Variants in MTF2 observed in about 807,000 individuals in gnomAD.
MTF2 encodes metal-response element-binding transcription factor 2.
Under a neutral mutation model 79.5 loss-of-function variants are expected in MTF2, and 11 were observed. The observed-to-expected ratio is 0.14, with a 90% CI of 0.09 to 0.23. MTF2 has a LOEUF of 0.23. Ranked by LOEUF, MTF2 falls within the 10% of genes least tolerant of loss-of-function variation. The pLI is 1.00. For missense variants in MTF2, 486 were observed against 711.2 expected (o/e 0.68, Z 3.60); for synonymous variants, 208 against 232.8 (o/e 0.89, Z 0.97).
At chr1:93,097,882 G>T (rs1439241365) in intron 1 of MTF2, among the ~76,000 whole-genome samples, 1 of 152,312 alleles carries the variant, frequency 6.6e-6, no homozygotes, top group Non-Finnish European at 1.5e-5. Context: ...ACAGGCATGA[G>T]CCACCATGCC....
chr1:93,128,121 TCA>T (rs1656773999), intron 10 of MTF2, among the ~76,000 whole-genome samples: 1 of 152,112 alleles, frequency 6.6e-6, no homozygotes, highest in African/African-American at 2.4e-5. Flanking sequence ...TGTAAAAAAG[TCA>T]TAAGGTACCT....
chr1:93,089,579 C>G (rs957133310), intron 1 of MTF2, among the ~76,000 whole-genome samples: 6 of 152,176 alleles, frequency 3.9e-5, no homozygotes, highest in African/African-American at 1.4e-4. Context: ...GATGGAGCCT[C>G]TCAAGAGTGC....
chr1:93,113,010 A>C (rs1656092347), intron 3 of MTF2, among the ~76,000 whole-genome samples: 1 of 152,144 alleles, frequency 6.6e-6, no homozygotes, highest in Non-Finnish European at 1.5e-5. Context: ...GAGAGTTCCC[A>C]GGCTTAATCT....
At chr1:93,080,779 T>G (rs1274454276) in intron 1 of MTF2, among the ~76,000 whole-genome samples, 3 of 151,910 alleles carry the variant, frequency 2.0e-5, no homozygotes, top group Non-Finnish European at 4.4e-5. Flanking sequence ...TTTTTTTTTT[T>G]TGTCAGTAAA....
At chr1:93,105,723 TGGA>T in intron 1 of MTF2, among the ~76,000 whole-genome samples, 1 of 152,168 alleles carries the variant, frequency 6.6e-6, no homozygotes, top group African/African-American at 2.4e-5. Context: ...TCACCCAGGC[TGGA>T]GTGCAATGCT....
intron 14 of MTF2, among the ~76,000 whole-genome samples, chr1:93,136,175 G>C (rs553200534): frequency 6.6e-6 from 1 of 152,274 alleles, no homozygotes; most frequent in South Asian, 2.1e-4. Context: ...CTGCTAGTTT[G>C]TGCTTATTCT....
chr1:93,105,130 C>T (rs908525571), intron 1 of MTF2, among the ~76,000 whole-genome samples: 26 of 106,426 alleles, frequency 2.4e-4, no homozygotes, highest in Admixed American at 2.1e-3. Context: ...GGTGACAGAG[C>T]GAGACTCCGT....
chr1:93,134,307 T>C, intron 14 of MTF2, 112 bp downstream of exon 14: 1 of 755,962 alleles, frequency 1.3e-6, no homozygotes, highest in East Asian at 2.7e-5. Context: ...AAGTTGTGTC[T>C]ATCAGCTTTT....
chr1:93,120,980 A>G (rs952765380), intron 9 of MTF2: 25 of 1,069,712 alleles, frequency 2.3e-5, no homozygotes, highest in Admixed American at 5.8e-5. Context: ...AGTATTGGGT[A>G]TCTTACTTGT....
Position 93,129,414 on chromosome 1 carries a change from G to T in MTF2, c.1126G>T (p.Gly376Cys). The change falls in exon 11 of 15, where the codon GGC becomes TGC. Residue 376 changes from glycine to cysteine, a missense_variant. Transcript: ENST00000370298. ...AACATCTCATGAATTTAAAATTAAA[G>T]GCAGAAAGGCATCCAAACCTATATC... ...EGTSHEFKIKGRKASKPISDS... is the reference protein window; with the variant it reads ...EGTSHEFKIKCRKASKPISDS... 6.4e-7 allele frequency: 1 copy of T among 1,566,352 alleles called. No individual in the cohort carries two copies. Among genetic ancestry groups the T allele is most frequent in the Non-Finnish European group, 8.7e-7 (1 of 1,148,928 alleles).
chr1:93,115,355 T>A, intron 5 of MTF2, 115 bp from the exon 6 acceptor site: 1 of 860,840 alleles, frequency 1.2e-6, no homozygotes, highest in Admixed American at 3.5e-5. Context: ...GTTTGTGATA[T>A]GGTAAAAGTT....
Position 93,121,505 on chromosome 1 carries a change from T to C in MTF2, c.921+833T>C, listed in dbSNP as rs140048554. 1,792 of 984,846 alleles carry C rather than the reference T, an allele frequency of 1.8e-3. 30 individuals are homozygous for C. The African/African-American group carries it at 0.029, about 16-fold the overall frequency. The allele number at this position is 984,846 out of a possible 1,614,324, so 61.0% of individuals were successfully genotyped here. A position where few individuals can be genotyped will look rare whatever the true frequency, so the allele number is the denominator to read the frequency against. ...ACTGATTTGAAGTTTAGGAAGAATT[T>C]CTTGATTTGTAGCTTTGAGACACGA... On this transcript the variant is annotated intron_variant, in intron 9 of 14. Coordinates refer to ENST00000370298, the MANE Select transcript of MTF2 (RefSeq NM_007358.4).
chr1:93,136,810 A>G lies in MTF2; in HGVS notation c.1565A>G (p.Lys522Arg), dbSNP rs1331996088. Residue 522 changes from lysine (K) to arginine (R), a missense_variant, in exon 15 of 15, where the codon AAA becomes AGA. By Grantham distance (26) the Lys-to-Arg change is conservative (BLOSUM62 2). Coordinates refer to ENST00000370298, the MANE Select transcript of MTF2 (RefSeq NM_007358.4). ...NSEIVKDDEG[K>R]EDYQFDELNT... ...GAAATTGTAAAAGATGATGAAGGCA[A>G]AGAAGATTATCAGTTTGATGAACTC... 6.2e-7 allele frequency: 1 copy of G among 1,614,108 alleles called. No individual in the cohort carries two copies. Among genetic ancestry groups the G allele is most frequent in the Non-Finnish European group, 8.5e-7 (1 of 1,180,040 alleles).
rs1156263487 is a variant in MTF2, at chr1:93,079,549, G to C, written c.5+18G>C. ...CGAATGAGGTGAGAGACCTTGGCCT[G>C]GGAACCGACTCTTCCGGAGGAGATG... is the stretch of plus-strand genomic sequence containing the variant. On this transcript the variant is annotated intron_variant, in intron 1 of 14. Coordinates refer to ENST00000370298, the MANE Select transcript of MTF2 (RefSeq NM_007358.4). 30 of 1,613,638 alleles carry C rather than the reference G, an allele frequency of 1.9e-5. No individual in the cohort carries two copies. Among genetic ancestry groups the C allele is most frequent in the Non-Finnish European group, 2.5e-5 (29 of 1,179,888 alleles).
intron 1 of MTF2, among the ~76,000 whole-genome samples, chr1:93,091,176 T>C (rs1051051280): frequency 2.6e-5 from 4 of 152,194 alleles, no homozygotes; most frequent in African/African-American, 9.7e-5. Context: ...ATTGTTATAT[T>C]CAATAAACAG....
intron 7 of MTF2, among the ~76,000 whole-genome samples, chr1:93,118,857 A>G (rs1656356247): frequency 6.6e-6 from 1 of 152,272 alleles, no homozygotes; most frequent in Admixed American, 6.5e-5. Context: ...AGTGAGCTCC[A>G]GGAACAAAAA....
chr1:93,136,058 A>T (rs1282859156), intron 14 of MTF2, among the ~76,000 whole-genome samples: 1 of 152,186 alleles, frequency 6.6e-6, no homozygotes, highest in Non-Finnish European at 1.5e-5. Context: ...AAAGGACCTC[A>T]CACATTATCC....
Position 93,104,102 on chromosome 1 carries a change from C to CTTT in MTF2, c.6-6112_6-6110dup, listed in dbSNP as rs781525518. ...CACAGGCGTATGCCACTACACCCAG[C>CTTT]TTTTTTTTTTTTTTTTTTGTAGAGA... On this transcript the variant is annotated intron_variant, in intron 1 of 14. Coordinates refer to ENST00000370298, the MANE Select transcript of MTF2 (RefSeq NM_007358.4). 4.8e-3 allele frequency among the ~76,000 whole-genome samples: 597 copies of CTTT among 125,412 alleles called. 17 individuals are homozygous for CTTT. The highest frequency in any genetic ancestry group is 0.017 in the African/African-American group (538 of 31,400). The allele number at this position is 125,412 out of a possible 152,430, so 82.3% of individuals were successfully genotyped here.
At chr1:93,089,448 T>TCG (rs1177399540) in intron 1 of MTF2, among the ~76,000 whole-genome samples, 1 of 152,198 alleles carries the variant, frequency 6.6e-6, no homozygotes, top group Non-Finnish European at 1.5e-5. Context: ...AGAGTTCCAG[T>TCG]GATGAGCAAA....
Sources: allele counts gnomAD v4.1 joint callset (sites outside exome capture counted in the v4.1 genomes callset), GRCh38; gene constraint gnomAD v4.1.1; transcripts MANE v1.5; gene names NCBI Gene and HGNC (gene_info 2026-07-23, HGNC 2026-07-21).